The following ESRRG variants were observed in gnomAD, a reference collection of about 807,000 sequenced individuals.
ESRRG encodes the protein estrogen related receptor gamma.
A neutral mutation model predicts 44.0 loss-of-function variants in ESRRG; 13 were observed. The ratio of observed to expected loss-of-function variants is 0.30; its 90% CI spans 0.19 to 0.47. The LOEUF (loss-of-function observed/expected upper bound fraction) is 0.47, where lower values mean the gene tolerates loss of function less well. Among genes scored for constraint, ESRRG ranks in the 20% least tolerant of loss-of-function variants. The pLI is 1.00. For synonymous variants in ESRRG, 215 were observed against 214.6 expected (o/e 1.00, Z -0.02); for missense variants, 395 against 580.6 (o/e 0.68, Z 3.29).
At chr1:217,000,079 TC>T (rs748681442) in intron 1 of ESRRG, among the ~76,000 whole-genome samples, 7 of 152,218 alleles carry the variant, frequency 4.6e-5, no homozygotes, top group Admixed American at 6.5e-5. Context: ...TCTTTGCTTA[TC>T]CCCAAGATTT....
intron 5 of ESRRG, among the ~76,000 whole-genome samples, chr1:216,557,475 T>C (rs2057823972): frequency 6.6e-6 from 1 of 152,106 alleles, no homozygotes; most frequent in African/African-American, 2.4e-5. Flanking sequence ...ATATACTATG[T>C]GTCTAAGTAT....
chr1:217,019,638 A>T (rs572440369), intron 1 of ESRRG, among the ~76,000 whole-genome samples: 1 of 152,310 alleles, frequency 6.6e-6, no homozygotes, highest in African/African-American at 2.4e-5. Flanking sequence ...ATAATTAAAG[A>T]TACTTTATGT....
chr1:217,029,296 G>T (rs191951965), intron 1 of ESRRG, among the ~76,000 whole-genome samples: 246 of 152,148 alleles, frequency 1.6e-3, no homozygotes, highest in African/African-American at 5.7e-3. Flanking sequence ...GTTTTTTAAA[G>T]TAGTCCATGA....
intron 1 of ESRRG, among the ~76,000 whole-genome samples, chr1:217,031,103 T>A (rs751918545): frequency 6.6e-6 from 1 of 152,192 alleles, no homozygotes; most frequent in Non-Finnish European, 1.5e-5. Flanking sequence ...TTTTGATATA[T>A]CCTGAAAGCT....
At position 216,520,366 on chromosome 1, in the gene ESRRG, T is replaced by C. The variant is rs143063723; in HGVS notation, c.863-945A>G. On this transcript the variant is annotated intron_variant, in intron 5 of 6. Transcript: ENST00000408911. Reference sequence around the variant, plus strand: ...ATATGTTCTTTTTATCTGAATTACCTATGTGATCAATTCTTTTCTGCAAAT... The same window carrying C: ...ATATGTTCTTTTTATCTGAATTACCCATGTGATCAATTCTTTTCTGCAAAT... Among the ~76,000 whole-genome samples, 658 of 152,298 alleles carry C rather than the reference T, an allele frequency of 4.3e-3. 3 individuals carry two copies. Among genetic ancestry groups the C allele is most frequent in the African/African-American group, 0.015 (622 of 41,576 alleles).
intron 2 of ESRRG, among the ~76,000 whole-genome samples, chr1:216,916,842 T>C (rs2061243543): frequency 6.7e-5 from 1 of 14,866 alleles, no homozygotes; most frequent in African/African-American, 2.1e-4. Flanking sequence ...GTCTTTTTTT[T>C]TTTTTTTTTT....
chr1:217,084,522 T>A (rs1267752844), intron 1 of ESRRG, among the ~76,000 whole-genome samples: 1 of 152,218 alleles, frequency 6.6e-6, no homozygotes, highest in African/African-American at 2.4e-5. Flanking sequence ...AAATATGGTT[T>A]ATCCTATTCC....
At chr1:216,660,309 T>C (rs1181720296) in intron 2 of ESRRG, among the ~76,000 whole-genome samples, 2 of 152,182 alleles carry the variant, frequency 1.3e-5, no homozygotes, top group African/African-American at 4.8e-5. Context: ...CATCCACAAA[T>C]ACTTAGATAT....
intron 1 of ESRRG, among the ~76,000 whole-genome samples, chr1:217,039,686 A>G (rs1204806425): frequency 6.6e-6 from 1 of 152,220 alleles, no homozygotes; most frequent in East Asian, 1.9e-4. Flanking sequence ...AAACCACTTC[A>G]TTCACTAAAT....
At chr1:216,596,119 A>G (rs531547729) in intron 3 of ESRRG, among the ~76,000 whole-genome samples, 1 of 152,306 alleles carries the variant, frequency 6.6e-6, no homozygotes, top group African/African-American at 2.4e-5. Flanking sequence ...AATGAGGAAC[A>G]ACATAAAACA....
At chr1:217,090,774 A>G (rs1406111195), upstream of ESRRG, among the ~76,000 whole-genome samples, 2 of 152,188 alleles carry the variant, frequency 1.3e-5, no homozygotes, top group Non-Finnish European at 2.9e-5. Flanking sequence ...AAGGATAACT[A>G]GATTTTATTT....
chr1:216,826,671 G>C (rs574334302), intron 2 of ESRRG, among the ~76,000 whole-genome samples: 1 of 152,242 alleles, frequency 6.6e-6, no homozygotes, highest in East Asian at 1.9e-4. Context: ...AGGAAAGTGA[G>C]GGGTAAGGAA....
chr1:216,755,951 C>CT (rs2092415147), intron 2 of ESRRG, among the ~76,000 whole-genome samples: 1 of 152,026 alleles, frequency 6.6e-6, no homozygotes, highest in African/African-American at 2.4e-5. Flanking sequence ...CCTGGCCCCC[C>CT]TGCACATTAC....
intron 5 of ESRRG, among the ~76,000 whole-genome samples, chr1:216,545,196 C>T (rs2054118699): frequency 6.6e-6 from 1 of 151,426 alleles, no homozygotes; most frequent in Non-Finnish European, 1.5e-5. Flanking sequence ...TACAGGCATA[C>T]ACCAGCATGC....
chr1:217,102,265 G>T (rs963763950), intron 1 of ESRRG, among the ~76,000 whole-genome samples: 1 of 152,158 alleles, frequency 6.6e-6, no homozygotes, highest in South Asian at 2.1e-4. Flanking sequence ...AACTTGCTGG[G>T]GTTCAATCAG....
At chr1:216,615,643 C>T (rs1022113367) in intron 3 of ESRRG, among the ~76,000 whole-genome samples, 1 of 152,076 alleles carries the variant, frequency 6.6e-6, no homozygotes, top group African/African-American at 2.4e-5. Context: ...TTATCCTCTC[C>T]AGGCTTTAAT....
In ESRRG at chr1:216,723,405, G is replaced by T. The variant is rs572801580; in HGVS notation, c.-106C>A. On this transcript the variant is annotated 5_prime_UTR_variant, in exon 1 of 7. Coordinates refer to ENST00000408911, the MANE Select transcript of ESRRG (RefSeq NM_001438.4). ...TGTTCTCCTAGTGACAAGCCTATAG[G>T]CACAGCCAGTTGGGACCAAAGCTCT... 8.5e-6 allele frequency: 9 copies of T among 1,053,254 alleles called. No individual in the cohort carries two copies. Among genetic ancestry groups the T allele is most frequent in the Non-Finnish European group, 1.5e-6 (1 of 680,606 alleles). 65.2% of individuals were successfully genotyped at this position (1,053,254 alleles called of 1,614,324 possible). A position where few individuals can be genotyped will look rare whatever the true frequency, so the allele number is the denominator to read the frequency against.
chr1:217,015,058 C>T (rs373943815), intron 1 of ESRRG, among the ~76,000 whole-genome samples: 98 of 152,184 alleles, frequency 6.4e-4, no homozygotes, highest in African/African-American at 2.3e-3. Context: ...GAAGATCAAC[C>T]CTTCTCTAAA....
intron 2 of ESRRG, among the ~76,000 whole-genome samples, chr1:216,836,075 C>T (rs1173514423): frequency 2.2e-5 from 3 of 136,690 alleles, no homozygotes; most frequent in Non-Finnish European, 4.6e-5. Flanking sequence ...GTGAGGGACA[C>T]AGCCGATGCT....
Sources: allele counts gnomAD v4.1 joint callset (sites outside exome capture counted in the v4.1 genomes callset), GRCh38; gene constraint gnomAD v4.1.1; transcripts MANE v1.5; gene names NCBI Gene and HGNC (gene_info 2026-07-23, HGNC 2026-07-21).